CAMKK2: variants seen among roughly 807,000 people sequenced by gnomAD.
The protein encoded by CAMKK2 is calcium/calmodulin-dependent protein kinase kinase 2.
A neutral mutation model predicts 67.2 loss-of-function variants in CAMKK2; 30 were observed. The observed-to-expected ratio is 0.45, with a 90% CI of 0.33 to 0.61. The LOEUF (loss-of-function observed/expected upper bound fraction) is 0.61, where lower values mean the gene tolerates loss of function less well. CAMKK2 is among the 20% of genes least tolerant of loss of function. CAMKK2 has a pLI of 0.02. For synonymous variants in CAMKK2, 322 were observed against 326.2 expected, an observed-to-expected ratio of 0.99 and a Z score of 0.14; for missense variants, 643 against 802.0, an observed-to-expected ratio of 0.80 and a Z score of 2.39.
chr12:121,240,983 G>A lies in CAMKK2; in HGVS notation c.1597-114C>T, dbSNP rs984149172. ...CCAAGTGGGCCGTCGCGCACCCCCTGGAACGTGATCTACGTAACCCAGTCT... is the reference window on the plus strand; with the variant it reads ...CCAAGTGGGCCGTCGCGCACCCCCTAGAACGTGATCTACGTAACCCAGTCT... On this transcript the variant is annotated intron_variant, in intron 16 of 16. Coordinates refer to ENST00000404169, the MANE Select transcript of CAMKK2 (RefSeq NM_001270485.2). The surrounding 1 kb of genome is among the most constrained non-coding windows in gnomAD (Gnocchi z 4.4). 9.9e-7 allele frequency: 1 copy of A among 1,011,300 alleles called. No homozygotes were observed. Among genetic ancestry groups the A allele is most frequent in the Non-Finnish European group, 1.5e-6 (1 of 677,356 alleles). 62.6% of individuals were successfully genotyped at this position (1,011,300 alleles called of 1,614,324 possible).
At chr12:121,255,100 G>C (rs915644954) in intron 9 of CAMKK2, among the ~76,000 whole-genome samples, 1 of 145,080 alleles carries the variant, frequency 6.9e-6, no homozygotes, top group Non-Finnish European at 1.5e-5. Flanking sequence ...TTAGTTTTGA[G>C]AGTTAGATGG....
At chr12:121,244,398 G>GC (rs1391615665) in intron 16 of CAMKK2, among the ~76,000 whole-genome samples, 175 bp downstream of exon 16, 4 of 152,216 alleles carry the variant, frequency 2.6e-5, no homozygotes, top group African/African-American at 9.7e-5. Flanking sequence ...TTGGGTCCAA[G>GC]CCCCCGAGGC....
chr12:121,244,040 T>C, intron 16 of CAMKK2: 1 of 1,579,312 alleles, frequency 6.3e-7, no homozygotes, highest in African/African-American at 1.3e-5. Flanking sequence ...GAAGGAAGGG[T>C]GGCTGACAGC....
rs1285881445 is a variant in CAMKK2 at position 121,255,219 on chromosome 12, T to TTTATATATATATAA, written c.907+317_907+330dup. On this transcript the variant is annotated intron_variant, in intron 9 of 16. Transcript: ENST00000404169. ...TTATATATATAATTATATATATAATTTTATATATATATAATTTTATATATA... is the reference window on the plus strand; with the variant it reads ...TTATATATATAATTATATATATAATTTTATATATATATAATTATATATATATAATTTTATATATA... Among the ~76,000 whole-genome samples, 36 of 3,856 alleles carry TTTATATATATATAA rather than the reference T, an allele frequency of 9.3e-3. 4 individuals carry two copies. Among genetic ancestry groups the TTTATATATATATAA allele is most frequent in the African/African-American group, 0.024 (18 of 736 alleles). The allele number at this position is 3,856 out of a possible 152,430, so 2.5% of individuals were successfully genotyped here.
At position 121,269,532 on chromosome 12, in the gene CAMKK2, T is replaced by G. The variant is rs775428439; in HGVS notation, c.569A>C (p.Tyr190Ser). ...GAGGAGAATGCGGATACTCACATAG[T>G]AGGTATTGTCATTTTCATTGTAGGC... ...KLAYNENDNTYYAMKVLSKKK... is the reference protein window; with the variant it reads ...KLAYNENDNTSYAMKVLSKKK... Residue 190 changes from tyrosine to serine, a missense_variant, in exon 4 of 17, where the codon TAC becomes TCC. By Grantham distance (144) the Tyr-to-Ser change is moderately radical. Transcript: ENST00000404169. 6.2e-7 allele frequency: 1 copy of G among 1,603,746 alleles called. No homozygotes were observed. Among genetic ancestry groups the G allele is most frequent in the African/African-American group, 1.3e-5 (1 of 74,786 alleles).
intron 1 of CAMKK2, among the ~76,000 whole-genome samples, chr12:121,286,781 A>C (rs879456117): frequency 4.6e-5 from 7 of 152,210 alleles, no homozygotes; most frequent in Admixed American, 1.3e-4. Flanking sequence ...TGACTTGCTC[A>C]CAATCATCCA....
At chr12:121,288,446 A>G (rs550174317) in intron 1 of CAMKK2, among the ~76,000 whole-genome samples, 1 of 152,270 alleles carries the variant, frequency 6.6e-6, no homozygotes, top group Non-Finnish European at 1.5e-5. Flanking sequence ...ACGTCCCCAC[A>G]CCTGGACCTA....
At chr12:121,270,250 C>T (rs1259932836) in intron 3 of CAMKK2, among the ~76,000 whole-genome samples, 1 of 151,744 alleles carries the variant, frequency 6.6e-6, no homozygotes, top group Non-Finnish European at 1.5e-5. Context: ...CACACCTGTA[C>T]TCCCAACTAC....
chr12:121,295,474 T>G (rs1470386401), intron 1 of CAMKK2, among the ~76,000 whole-genome samples: 1 of 152,140 alleles, frequency 6.6e-6, no homozygotes, highest in African/African-American at 2.4e-5. Flanking sequence ...AGCCCTCCCC[T>G]TGTTGCAGCC....
chr12:121,253,193 T>C lies in CAMKK2; in HGVS notation c.1107+80A>G. The C allele has an allele frequency of 7.3e-6, 9 of 1,234,586 alleles. No individual in the cohort carries two copies. Among genetic ancestry groups the C allele is most frequent in the Non-Finnish European group, 1.1e-5 (9 of 847,738 alleles). The allele number at this position is 1,234,586 out of a possible 1,614,324, so 76.5% of individuals were successfully genotyped here. Reference sequence around the variant, plus strand: ...AGGGGATTCACTGTTTAAGCCTGTGTGCGTTGGGTTTCTGCTGCTTACAAT... The same window carrying C: ...AGGGGATTCACTGTTTAAGCCTGTGCGCGTTGGGTTTCTGCTGCTTACAAT... On this transcript the variant is annotated intron_variant, in intron 10 of 16. Coordinates refer to ENST00000404169, the MANE Select transcript of CAMKK2 (RefSeq NM_001270485.2). The surrounding 1 kb of genome is among the most constrained non-coding windows in gnomAD (Gnocchi z 5.0).
Position 121,274,073 on chromosome 12 carries a change from A to T in CAMKK2, c.454T>A (p.Ser152Thr). 1 of 1,507,326 alleles carries T rather than the reference A, an allele frequency of 6.6e-7. No homozygotes were observed. The highest frequency in any genetic ancestry group is 8.9e-7 in the Non-Finnish European group (1 of 1,127,774). The allele number at this position is 1,507,326 out of a possible 1,614,324, so 93.4% of individuals were successfully genotyped here. Residue 152 changes from serine to threonine, a missense_variant, in exon 2 of 17, where the codon TCC (serine) becomes ACC (threonine). Around this residue, in one of 3 missense-constraint regions of CAMKK2, gnomAD observed 483 missense variants for 625.8 expected, o/e 0.77. Coordinates refer to ENST00000404169, the MANE Select transcript of CAMKK2 (RefSeq NM_001270485.2). ...TCACGCACCTGCATACCCGTGATGG[A>T]GACGTGGTGAGACTCCACTGTCGGC... ...RRPTVESHHVSITGMQDCVQL... is the reference protein window; with the variant it reads ...RRPTVESHHVTITGMQDCVQL...
intron 1 of CAMKK2, among the ~76,000 whole-genome samples, chr12:121,279,553 G>A (rs972526180): frequency 5.3e-5 from 8 of 152,320 alleles, no homozygotes; most frequent in African/African-American, 1.7e-4. Flanking sequence ...GGAGATAACC[G>A]CCTGGCCATG....
At chr12:121,242,889 C>A (rs1310262544) in intron 16 of CAMKK2, among the ~76,000 whole-genome samples, 1 of 151,422 alleles carries the variant, frequency 6.6e-6, no homozygotes, top group African/African-American at 2.4e-5. Flanking sequence ...ACTACAGGCG[C>A]CCGCCACCGC....
intron 1 of CAMKK2, among the ~76,000 whole-genome samples, chr12:121,289,345 G>A (rs576329022): frequency 3.4e-4 from 51 of 152,078 alleles, no homozygotes; most frequent in Non-Finnish European, 6.0e-4. Flanking sequence ...GATCACTAAC[G>A]TCCCCAACGG....
intron 7 of CAMKK2, among the ~76,000 whole-genome samples, chr12:121,259,766 T>G (rs1442443024): frequency 2.6e-5 from 4 of 152,158 alleles, no homozygotes; most frequent in Non-Finnish European, 5.9e-5. Flanking sequence ...TATAAAATTG[T>G]TTTTCTACCT....
intron 16 of CAMKK2, among the ~76,000 whole-genome samples, chr12:121,243,048 T>A (rs1888686698): frequency 6.6e-6 from 1 of 151,406 alleles, no homozygotes; most frequent in Admixed American, 6.6e-5. Context: ...AGCCTTTTTT[T>A]TTGAGACAGA....
At chr12:121,279,794 C>T (rs2136507026) in intron 1 of CAMKK2, among the ~76,000 whole-genome samples, 1 of 152,370 alleles carries the variant, frequency 6.6e-6, no homozygotes, top group Non-Finnish European at 1.5e-5. Flanking sequence ...CAGAGCCTTC[C>T]TGGAGCAGAT....
Position 121,260,515 on chromosome 12 carries a change from A to T in CAMKK2, c.760-160T>A, listed in dbSNP as rs751188151. The stretch of plus-strand genomic sequence containing the variant: ...CCCAGTTAAGATGGAAGATAGGGAA[A>T]ACCCCCAGAGTGTGAGATCCTAATG... On this transcript the variant is annotated intron_variant, in intron 6 of 16. Transcript: ENST00000404169. The T allele has an allele frequency of 8.9e-6, 6 of 675,750 alleles. No individual in the cohort carries two copies. In the East Asian group the frequency reaches 1.4e-4, roughly 16 times the overall value. The allele number at this position is 675,750 out of a possible 1,614,324, so 41.9% of individuals were successfully genotyped here.
rs1221904495 is a variant in CAMKK2 at position 121,253,071 on chromosome 12, C to T, written c.1107+202G>A. 6.6e-6 allele frequency among the ~76,000 whole-genome samples: 1 copy of T among 152,150 alleles called. No individual in the cohort carries two copies. The highest frequency in any genetic ancestry group is 1.5e-5 in the Non-Finnish European group (1 of 68,022). On this transcript the variant is annotated intron_variant, in intron 10 of 16. Transcript: ENST00000404169. The surrounding 1 kb of genome is among the most constrained non-coding windows in gnomAD (Gnocchi z 5.0). ...TGCCTGACCCACCTGTGGAGGAAAC[C>T]AAATAAGAAAAACAACTGAAAGATG...
Sources: allele counts gnomAD v4.1 joint callset (sites outside exome capture counted in the v4.1 genomes callset), GRCh38; gene constraint gnomAD v4.1.1; regional missense constraint gnomAD v4.1.1; non-coding constraint Gnocchi (gnomAD v3.1); transcripts MANE v1.5; gene names NCBI Gene and HGNC (gene_info 2026-07-23, HGNC 2026-07-21).